EBAG9: variants seen among roughly 807,000 people sequenced by gnomAD.
EBAG9 encodes the protein estrogen receptor binding site associated antigen 9, also known as receptor-binding cancer antigen expressed on SiSo cells.
A neutral mutation model predicts 30.9 loss-of-function variants in EBAG9; 16 were observed. The observed-to-expected ratio is 0.52, with a 90% CI of 0.35 to 0.79. The LOEUF (loss-of-function observed/expected upper bound fraction) is 0.79, where lower values mean the gene tolerates loss of function less well. Ranked by LOEUF, EBAG9 falls within the 30% of genes least tolerant of loss-of-function variation. The probability of loss-of-function intolerance (pLI) is 0.01; values close to 1 mark genes in which losing one functional copy is unlikely to be tolerated. For missense variants in EBAG9, 197 were observed against 242.1 expected, an observed-to-expected ratio of 0.81 and a Z score of 1.24; for synonymous variants, 93 against 82.8, an observed-to-expected ratio of 1.12 and a Z score of -0.67.
chr8:109,544,784 GGATTAACA>G (rs1743537529), intron 1 of EBAG9, among the ~76,000 whole-genome samples: 1 of 152,116 alleles, frequency 6.6e-6, no homozygotes, highest in African/African-American at 2.4e-5. Flanking sequence ...TATCTCTAAT[GGATTAACA>G]GATTTTTTTC....
At chr8:109,550,279 A>G (rs1227929101) in intron 1 of EBAG9, 1 of 153,378 alleles carries the variant, frequency 6.5e-6, no homozygotes, top group African/African-American at 2.4e-5. Context: ...TCTTTAATAG[A>G]TTCCCAGATT....
intron 4 of EBAG9, among the ~76,000 whole-genome samples, chr8:109,555,109 T>C (rs947001688): frequency 6.6e-6 from 1 of 152,048 alleles, no homozygotes; most frequent in Non-Finnish European, 1.5e-5. Context: ...ACATTAGGTA[T>C]GTCCCTAATG....
intron 5 of EBAG9, chr8:109,557,934 G>C (rs1390878348): frequency 4.0e-6 from 1 of 250,496 alleles, no homozygotes; most frequent in African/African-American, 2.3e-5. Context: ...GTTATAAGAC[G>C]GTGAGAGCAC....
chr8:109,565,372 C>T lies in EBAG9; in HGVS notation c.*813C>T, dbSNP rs1821806319. 6.6e-6 allele frequency: 1 copy of T among 151,948 alleles called. No individual in the cohort carries two copies. Among genetic ancestry groups the T allele is most frequent in the Admixed American group, 6.6e-5 (1 of 15,228 alleles). The allele number at this position is 151,948 out of a possible 1,614,324, so 9.4% of individuals were successfully genotyped here. A position where few individuals can be genotyped will look rare whatever the true frequency, so the allele number is the denominator to read the frequency against. On this transcript the variant is annotated 3_prime_UTR_variant, in exon 7 of 7. Coordinates refer to ENST00000337573, the MANE Select transcript of EBAG9 (RefSeq NM_004215.5). ...GAGTGCCTTAGTTCTTCCTTCCTCC[C>T]AAAAGCCATTAATTTACAAATGCTT...
intron 4 of EBAG9, 72 bp downstream of exon 4, chr8:109,554,959 A>G: frequency 7.0e-7 from 1 of 1,424,058 alleles, no homozygotes; most frequent in Non-Finnish European, 9.5e-7. Context: ...AGGTGATACA[A>G]TTCACATTTA....
rs1315337331 is a variant in EBAG9, at chr8:109,550,927, AAACT to A, written c.83+24_83+27del. The A allele has an allele frequency of 1.3e-6, 2 of 1,488,574 alleles. No individual in the cohort carries two copies. Among genetic ancestry groups the A allele is most frequent in the Admixed American group, 1.9e-5 (1 of 53,580 alleles). 92.2% of individuals were successfully genotyped at this position (1,488,574 alleles called of 1,614,324 possible). A position where few individuals can be genotyped will look rare whatever the true frequency, so the allele number is the denominator to read the frequency against. ...ATGCAGGTAAATAAGTTTTATGTTC[AAACT>A]AACCTGTTTATCTCCTCGCTGGTTT... On this transcript the variant is annotated intron_variant, in intron 2 of 6. Transcript: ENST00000337573.
At chr8:109,554,323 T>G (rs1213348097) in intron 3 of EBAG9, among the ~76,000 whole-genome samples, 1 of 152,208 alleles carries the variant, frequency 6.6e-6, no homozygotes. Context: ...CATGAACATT[T>G]TGAATACTAT....
In EBAG9 at chr8:109,564,937, T is replaced by C. The variant is rs1821790924; in HGVS notation, c.*378T>C. 1 of 153,762 alleles carries C rather than the reference T, an allele frequency of 6.5e-6. No homozygotes were observed. Among genetic ancestry groups the C allele is most frequent in the African/African-American group, 2.4e-5 (1 of 41,508 alleles). The allele number at this position is 153,762 out of a possible 1,614,324, so 9.5% of individuals were successfully genotyped here. On this transcript the variant is annotated 3_prime_UTR_variant, in exon 7 of 7. Coordinates refer to ENST00000337573, the MANE Select transcript of EBAG9 (RefSeq NM_004215.5). Reference sequence around the variant, plus strand: ...CTGTTATGATTTCCTTCAATGTGCATAATGATAAAATAAATAATTTTAATA... The same window carrying C: ...CTGTTATGATTTCCTTCAATGTGCACAATGATAAAATAAATAATTTTAATA...
At chr8:109,552,593 A>T (rs1445407431) in intron 2 of EBAG9, among the ~76,000 whole-genome samples, 1 of 152,230 alleles carries the variant, frequency 6.6e-6, no homozygotes, top group African/African-American at 2.4e-5. Context: ...TCTATTTTTT[A>T]AAATTTTCAT....
Position 109,564,738 on chromosome 8 carries a change from C to CA in EBAG9, c.*186dup. 6 of 673,004 alleles carry CA rather than the reference C, an allele frequency of 8.9e-6. No individual in the cohort carries two copies. Among genetic ancestry groups the CA allele is most frequent in the South Asian group, 8.4e-5 (3 of 35,880 alleles). The allele number at this position is 673,004 out of a possible 1,614,324, so 41.7% of individuals were successfully genotyped here. A position where few individuals can be genotyped will look rare whatever the true frequency, so the allele number is the denominator to read the frequency against. ...CCTTGAACTCTTAGTGATTGAGACT[C>CA]AAAAAAACAAAAAAGACTTGAGACA... On this transcript the variant is annotated 3_prime_UTR_variant, in exon 7 of 7. Coordinates refer to ENST00000337573, the MANE Select transcript of EBAG9 (RefSeq NM_004215.5).
At chr8:109,553,417 G>T (rs962375850) in intron 2 of EBAG9, among the ~76,000 whole-genome samples, 4 of 152,018 alleles carry the variant, frequency 2.6e-5, no homozygotes, top group African/African-American at 9.7e-5. Context: ...TTACCATTTG[G>T]TTCAAACTAG....
intron 1 of EBAG9, among the ~76,000 whole-genome samples, chr8:109,542,547 C>T (rs778164223): frequency 1.3e-5 from 2 of 152,278 alleles, no homozygotes; most frequent in South Asian, 2.1e-4. Context: ...CTGCCAAGTA[C>T]CACACGTTCT....
At chr8:109,555,298 A>G (rs1267450326) in intron 4 of EBAG9, among the ~76,000 whole-genome samples, 3 of 152,082 alleles carry the variant, frequency 2.0e-5, no homozygotes, top group East Asian at 1.9e-4. Context: ...CCATGTCCCT[A>G]TGGAGGACAT....
At chr8:109,545,643 G>A (rs546633841) in intron 1 of EBAG9, among the ~76,000 whole-genome samples, 4 of 152,256 alleles carry the variant, frequency 2.6e-5, no homozygotes, top group South Asian at 2.1e-4. Flanking sequence ...GACTACAGAC[G>A]TGAGCCACCG....
intron 2 of EBAG9, among the ~76,000 whole-genome samples, chr8:109,551,272 C>T (rs1821488743): frequency 6.6e-6 from 1 of 151,102 alleles, no homozygotes; most frequent in Admixed American, 6.6e-5. Flanking sequence ...GTATTTCTGT[C>T]TATACTACAA....
intron 1 of EBAG9, among the ~76,000 whole-genome samples, chr8:109,545,988 A>G (rs1821376911): frequency 6.6e-6 from 1 of 152,246 alleles, no homozygotes; most frequent in South Asian, 2.1e-4. Flanking sequence ...CATGTTAATC[A>G]CTAAGAAGAA....
chr8:109,557,330 A>T (rs1227950375), intron 5 of EBAG9, among the ~76,000 whole-genome samples: 2 of 152,190 alleles, frequency 1.3e-5, no homozygotes, highest in African/African-American at 2.4e-5. Flanking sequence ...AAAATGAGAG[A>T]TTAACCCTAA....
chr8:109,542,019 T>C (rs750229971), intron 1 of EBAG9, among the ~76,000 whole-genome samples: 3 of 152,204 alleles, frequency 2.0e-5, no homozygotes, highest in Non-Finnish European at 4.4e-5. Context: ...GAATTAAATA[T>C]ACCTAGGTTT....
rs1249266240 is a variant in EBAG9, at chr8:109,565,285, C to T, written c.*726C>T. The T allele has an allele frequency of 2.6e-5, 4 of 152,388 alleles. No individual in the cohort carries two copies. Among genetic ancestry groups the T allele is most frequent in the Admixed American group, 1.3e-4 (2 of 15,248 alleles). The allele number at this position is 152,388 out of a possible 1,614,324, so 9.4% of individuals were successfully genotyped here. On this transcript the variant is annotated 3_prime_UTR_variant, in exon 7 of 7. Transcript: ENST00000337573. ...GTTCTACATTATAACTTGTGAGTTTCAAGAACTAGTATTAGTAGTTTTTTC... is the reference window on the plus strand; with the variant it reads ...GTTCTACATTATAACTTGTGAGTTTTAAGAACTAGTATTAGTAGTTTTTTC...
Sources: allele counts gnomAD v4.1 joint callset (sites outside exome capture counted in the v4.1 genomes callset), GRCh38; gene constraint gnomAD v4.1.1; transcripts MANE v1.5; gene names NCBI Gene and HGNC (gene_info 2026-07-23, HGNC 2026-07-21).